Variants in WDR70 observed in about 807,000 individuals in gnomAD.
The protein encoded by WDR70 is WD repeat domain 70, also known as WD repeat-containing protein 70.
WDR70 carries 53 observed loss-of-function variants against 88.6 expected under a neutral mutation model. The ratio of observed to expected loss-of-function variants is 0.60; its 90% CI spans 0.48 to 0.75. WDR70 has a LOEUF of 0.75. Ranked by LOEUF, WDR70 falls within the 30% of genes least tolerant of loss-of-function variation. WDR70 has a pLI of 0.00. For missense variants in WDR70, 610 were observed against 823.2 expected (o/e 0.74, Z 3.17); for synonymous variants, 280 against 270.0 (o/e 1.04, Z -0.36).
chr5:37,502,537 A>G (rs894013913), intron 8 of WDR70, among the ~76,000 whole-genome samples: 5 of 152,202 alleles, frequency 3.3e-5, no homozygotes, highest in African/African-American at 1.2e-4. Context: ...TTATGCATCC[A>G]TTGAGGTAAT....
chr5:37,407,399 C>G (rs1749385690), intron 5 of WDR70, among the ~76,000 whole-genome samples: 1 of 151,954 alleles, frequency 6.6e-6, no homozygotes, highest in Non-Finnish European at 1.5e-5. Flanking sequence ...TAGTGAGCAC[C>G]TGTGGTCCCA....
intron 17 of WDR70, among the ~76,000 whole-genome samples, chr5:37,739,562 C>G (rs775478320): frequency 2.0e-5 from 3 of 151,968 alleles, no homozygotes; most frequent in Non-Finnish European, 4.4e-5. Flanking sequence ...TTGTGTATTT[C>G]TTATGTTGCT....
chr5:37,584,379 G>A (rs958436332), intron 9 of WDR70, among the ~76,000 whole-genome samples: 5 of 152,218 alleles, frequency 3.3e-5, no homozygotes, highest in East Asian at 3.9e-4. Context: ...TAGAGATATC[G>A]AAAAGGTTCA....
chr5:37,708,705 A>G (rs1393269049), intron 13 of WDR70, among the ~76,000 whole-genome samples: 1 of 152,172 alleles, frequency 6.6e-6, no homozygotes, highest in Non-Finnish European at 1.5e-5. Context: ...GGCCATTCAG[A>G]CTATAGTCAG....
chr5:37,646,895 A>T (rs1245510729), intron 10 of WDR70, among the ~76,000 whole-genome samples: 3 of 151,990 alleles, frequency 2.0e-5, no homozygotes, highest in African/African-American at 7.3e-5. Flanking sequence ...TTGAATATTG[A>T]TATATTTCTC....
chr5:37,748,248 G>T (rs531213869), intron 17 of WDR70, among the ~76,000 whole-genome samples: 20 of 152,088 alleles, frequency 1.3e-4, no homozygotes, highest in Non-Finnish European at 2.5e-4. Flanking sequence ...ATACTACAAG[G>T]TTACAGTAAC....
At chr5:37,401,339 G>A (rs1258861004) in intron 5 of WDR70, among the ~76,000 whole-genome samples, 2 of 135,026 alleles carry the variant, frequency 1.5e-5, no homozygotes, top group Admixed American at 7.9e-5. Flanking sequence ...TTTTTGAGAC[G>A]GAGTCTTGCT....
In WDR70 at chr5:37,496,040, G is replaced by C. The variant is rs60854599; in HGVS notation, c.840+16053G>C. Among the ~76,000 whole-genome samples, 1,118 of 152,280 alleles carry C rather than the reference G, an allele frequency of 7.3e-3. 16 individuals are homozygous for C. The highest frequency in any genetic ancestry group is 0.025 in the African/African-American group (1,052 of 41,544). On this transcript the variant is annotated intron_variant, in intron 8 of 17. Transcript: ENST00000265107. The stretch of plus-strand genomic sequence containing the variant: ...AGAGGTGAAGCCAGCTGGACTTTCT[G>C]GGTCGGGTGGGGACTTGGAGAACTT...
At chr5:37,464,791 C>G (rs546202598) in intron 7 of WDR70, among the ~76,000 whole-genome samples, 1 of 152,318 alleles carries the variant, frequency 6.6e-6, no homozygotes, top group Admixed American at 6.5e-5. Flanking sequence ...GTGGAGCAAA[C>G]TGCACGGGTG....
chr5:37,485,697 T>C (rs1461820541), intron 8 of WDR70, among the ~76,000 whole-genome samples: 1 of 151,758 alleles, frequency 6.6e-6, no homozygotes, highest in Non-Finnish European at 1.5e-5. Flanking sequence ...TAATTATTAT[T>C]ATTATTATTT....
At chr5:37,557,403 G>C (rs2112363207) in intron 9 of WDR70, among the ~76,000 whole-genome samples, 1 of 152,268 alleles carries the variant, frequency 6.6e-6, no homozygotes, top group African/African-American at 2.4e-5. Context: ...ACTTTGTGGA[G>C]ACCAGGACTT....
At chr5:37,412,040 A>G (rs1301959132) in intron 5 of WDR70, among the ~76,000 whole-genome samples, 1 of 152,020 alleles carries the variant, frequency 6.6e-6, no homozygotes, top group East Asian at 1.9e-4. Flanking sequence ...TATTTTTCTT[A>G]GAACTAAGTA....
At chr5:37,466,398 T>A (rs1739149831) in intron 7 of WDR70, among the ~76,000 whole-genome samples, 1 of 152,244 alleles carries the variant, frequency 6.6e-6, no homozygotes, top group Non-Finnish European at 1.5e-5. Context: ...CCACATGTGG[T>A]TATTTAAATA....
At chr5:37,574,073 C>T (rs1031764437) in intron 9 of WDR70, among the ~76,000 whole-genome samples, 2 of 152,088 alleles carry the variant, frequency 1.3e-5, no homozygotes, top group African/African-American at 2.4e-5. Flanking sequence ...GATCTAACAC[C>T]TATGGAAGTT....
chr5:37,619,756 GT>G (rs1744453447), intron 10 of WDR70, among the ~76,000 whole-genome samples: 2 of 150,728 alleles, frequency 1.3e-5, no homozygotes, highest in African/African-American at 4.9e-5. Flanking sequence ...TTTTTGTTTT[GT>G]TTTGTTTTTT....
At chr5:37,692,223 T>G (rs1463494908) in intron 10 of WDR70, among the ~76,000 whole-genome samples, 1 of 152,048 alleles carries the variant, frequency 6.6e-6, no homozygotes, top group African/African-American at 2.4e-5. Context: ...AGGCAATAAT[T>G]AATAGCCTAC....
At chr5:37,693,837 G>A (rs4498271) in intron 10 of WDR70, among the ~76,000 whole-genome samples, 150,163 of 152,338 alleles carry the variant, frequency 0.99, 74,040 homozygotes, top group East Asian at 1. Context: ...AATGGCAACA[G>A]AAGCCAAAAT....
chr5:37,739,631 C>A (rs1748411986), intron 17 of WDR70, among the ~76,000 whole-genome samples: 1 of 152,000 alleles, frequency 6.6e-6, no homozygotes, highest in South Asian at 2.1e-4. Flanking sequence ...TGGAAGCACC[C>A]AACAGAATAT....
intron 10 of WDR70, among the ~76,000 whole-genome samples, chr5:37,649,862 C>T (rs1177411569): frequency 4.2e-5 from 6 of 141,660 alleles, no homozygotes; most frequent in East Asian, 2.1e-4. Context: ...CTCAGCCTCC[C>T]GAGTAGCTGG....
Sources: gnomAD v4.1 joint callset for allele counts (sites outside exome capture counted in the v4.1 genomes callset) on GRCh38, gnomAD v4.1.1 for gene constraint, MANE v1.5 for transcripts, NCBI Gene and HGNC (gene_info 2026-07-23, HGNC 2026-07-21) for gene names.